The following E2F7 variants were observed in gnomAD, a reference collection of about 807,000 sequenced individuals.
The protein encoded by E2F7 is E2F transcription factor 7.
A neutral mutation model predicts 81.1 loss-of-function variants in E2F7; 35 were observed. The observed-to-expected ratio is 0.43, with a 90% CI of 0.33 to 0.57. The LOEUF (loss-of-function observed/expected upper bound fraction) is 0.57. E2F7 is among the 20% of genes least tolerant of loss of function. The probability of loss-of-function intolerance (pLI) is 0.04; values close to 1 mark genes in which losing one functional copy is unlikely to be tolerated. For synonymous variants in E2F7, 416 were observed against 416.2 expected (o/e 1.00, Z 0.01); for missense variants, 961 against 1,093.7 (o/e 0.88, Z 1.71).
At chr12:77,037,397 C>T (rs1356982837) in intron 7 of E2F7, among the ~76,000 whole-genome samples, 1 of 152,104 alleles carries the variant, frequency 6.6e-6, no homozygotes, top group Non-Finnish European at 1.5e-5. Context: ...TCGAGACCAG[C>T]CTGGGCAACA....
intron 12 of E2F7, among the ~76,000 whole-genome samples, chr12:77,025,085 TAC>T (rs1487569825): frequency 2.0e-5 from 3 of 152,252 alleles, no homozygotes; most frequent in South Asian, 2.1e-4. Flanking sequence ...ACAGACATTA[TAC>T]ACACACACAG....
At chr12:77,031,167 G>A (rs774333590) in intron 9 of E2F7, among the ~76,000 whole-genome samples, 2 of 152,096 alleles carry the variant, frequency 1.3e-5, no homozygotes, top group Non-Finnish European at 2.9e-5. Flanking sequence ...AGGCTGCAGT[G>A]AGCTACGATC....
chr12:77,062,531 C>T (rs191955373), intron 2 of E2F7, among the ~76,000 whole-genome samples: 1 of 152,268 alleles, frequency 6.6e-6, no homozygotes, highest in East Asian at 1.9e-4. Context: ...TTGACATAAT[C>T]CCTGCTCATA....
rs1954978599 is a variant in E2F7, at chr12:77,050,630, G to A, written c.484C>T (p.Pro162Ser). Reference sequence around the variant, plus strand: ...ATGGTAGTTTTCTCAGTTGACAAGGGATAACTTGGATAGCGAGCTAGAAAC... The same window carrying A: ...ATGGTAGTTTTCTCAGTTGACAAGGAATAACTTGGATAGCGAGCTAGAAAC... Reference protein sequence around the residue: ...QKFLARYPSYPLSTEKTTISL... With the variant: ...QKFLARYPSYSLSTEKTTISL... The change falls in exon 4 of 13, where the codon CCC becomes TCC. Residue 162 changes from proline to serine, a missense_variant. Physicochemically the swap from Pro to Ser is moderately conservative, Grantham distance 74. Coordinates refer to ENST00000322886, the MANE Select transcript of E2F7 (RefSeq NM_203394.3). 3 of 1,613,884 alleles carry A rather than the reference G, an allele frequency of 1.9e-6. No homozygotes were observed. Among genetic ancestry groups the A allele is most frequent in the Admixed American group, 1.7e-5 (1 of 59,972 alleles).
chr12:77,039,202 T>C (rs1475318947), intron 7 of E2F7, among the ~76,000 whole-genome samples: 2 of 152,224 alleles, frequency 1.3e-5, no homozygotes, highest in African/African-American at 4.8e-5. Flanking sequence ...AGCACCCCAT[T>C]GATCCATACC....
chr12:77,050,525 G>C (rs1954977780), intron 4 of E2F7, 51 bp downstream of exon 4: 1 of 1,596,606 alleles, frequency 6.3e-7, no homozygotes, highest in African/African-American at 1.3e-5. Flanking sequence ...AAGGAAACCA[G>C]TTTCCCACTG....
Position 77,030,020 on chromosome 12 carries a change from T to G in E2F7, c.1695A>C (p.Pro565=), listed in dbSNP as rs1014363707. 7.4e-6 allele frequency: 12 copies of G among 1,614,080 alleles called. No homozygotes were observed. Among genetic ancestry groups the G allele is most frequent in the African/African-American group, 1.3e-5 (1 of 74,946 alleles). Residue 565 remains proline (P), a synonymous_variant, in exon 10 of 13, where the codon CCA becomes CCC. Coordinates refer to ENST00000322886, the MANE Select transcript of E2F7 (RefSeq NM_203394.3). ...CCCTCTCTGACCCTGACCCTGACGC[T>G]GGTCCCTCCTGCAGACTTCCATACA... ...FMLYGSLQEG[P]ASGSGSERDD... is the part of the protein sequence containing the mutation.
intron 2 of E2F7, among the ~76,000 whole-genome samples, chr12:77,063,394 T>C (rs543761385): frequency 2.0e-5 from 3 of 152,334 alleles, no homozygotes; most frequent in Middle Eastern, 6.8e-3. Flanking sequence ...GAGAAATTCA[T>C]GCTAGTTTTG....
intron 7 of E2F7, among the ~76,000 whole-genome samples, chr12:77,041,851 G>A: frequency 6.6e-6 from 1 of 152,168 alleles, no homozygotes; most frequent in East Asian, 1.9e-4. Flanking sequence ...AAGTGAGTAA[G>A]GCACTGTTCT....
In E2F7 at chr12:77,025,480, A is replaced by T. The variant is rs923450226; in HGVS notation, c.2565+78T>A. ...GACCTAGTGCCTCTGTCCGGCAGTCATGTGGCTAAAATGAAAGCTAAACAC... is the reference window on the plus strand; with the variant it reads ...GACCTAGTGCCTCTGTCCGGCAGTCTTGTGGCTAAAATGAAAGCTAAACAC... On this transcript the variant is annotated intron_variant, in intron 12 of 12. Transcript: ENST00000322886. 23 of 1,520,670 alleles carry T rather than the reference A, an allele frequency of 1.5e-5. No homozygotes were observed. In the African/African-American group the frequency reaches 2.9e-4, roughly 19 times the overall value. The allele number at this position is 1,520,670 out of a possible 1,614,324, so 94.2% of individuals were successfully genotyped here. A position where few individuals can be genotyped will look rare whatever the true frequency, so the allele number is the denominator to read the frequency against.
chr12:77,050,465 G>A, intron 4 of E2F7, 111 bp downstream of exon 4: 1 of 1,139,456 alleles, frequency 8.8e-7, no homozygotes. Context: ...CTGTTCCTCT[G>A]TCTTCACCCG....
Position 77,051,315 on chromosome 12 carries a change from G to A in E2F7, c.370-571C>T, listed in dbSNP as rs191695790. ...TGTCTCCTCAACCCACATTTGAAAG[G>A]GGCTCCATTCAAGCCCCAAGAAAGT... On this transcript the variant is annotated intron_variant, in intron 3 of 12. Transcript: ENST00000322886. Among the ~76,000 whole-genome samples the A allele has an allele frequency of 6.4e-3, 972 of 152,148 alleles. 11 individuals carry two copies. Among genetic ancestry groups the A allele is most frequent in the African/African-American group, 0.021 (886 of 41,510 alleles).
rs769636525 is a variant in E2F7, at chr12:77,025,710, T to C, written c.2413A>G (p.Lys805Glu). The change falls in exon 12 of 13, where the codon AAG becomes GAG. Residue 805 changes from lysine (K) to glutamate (E), a missense_variant. Coordinates refer to ENST00000322886, the MANE Select transcript of E2F7 (RefSeq NM_203394.3). ...LVGPTAVVNP[K>E]SSTLPSADPQ... ...TCTGCAGAAGGGAGTGTGGACGACT[T>C]TGGATTAACCACAGCTGTGGGGCCG... 6.2e-7 allele frequency: 1 copy of C among 1,614,002 alleles called. No individual in the cohort carries two copies. The highest frequency in any genetic ancestry group is 8.5e-7 in the Non-Finnish European group (1 of 1,180,040).
chr12:77,025,836 CAGG>C lies in E2F7; in HGVS notation c.2284_2286del (p.Pro762del), dbSNP rs1360218086. The C allele has an allele frequency of 2.5e-6, 4 of 1,613,920 alleles. No individual in the cohort carries two copies. The highest frequency in any genetic ancestry group is 3.3e-5 in the Admixed American group (2 of 59,980). ...GTAGAAGAAACCGGGCCCGGCATTGCAGGAGAATAGAGAACAGGAAAAGGGCCC... is the reference window on the plus strand; with the variant it reads ...GTAGAAGAAACCGGGCCCGGCATTGCAGAATAGAGAACAGGAAAAGGGCCC... On this transcript the variant is annotated inframe_deletion, in exon 12 of 13. Transcript: ENST00000322886.
chr12:77,023,954 G>C lies in E2F7; in HGVS notation c.*61C>G. 7.0e-6 allele frequency: 11 copies of C among 1,574,736 alleles called. No individual in the cohort carries two copies. The highest frequency in any genetic ancestry group is 9.5e-6 in the Non-Finnish European group (11 of 1,161,450). Reference sequence around the variant, plus strand: ...CTCAGGACGGGATGGTTTGCATCCCGCCTCGGACATCCGGGACTCTCAGGG... The same window carrying C: ...CTCAGGACGGGATGGTTTGCATCCCCCCTCGGACATCCGGGACTCTCAGGG... On this transcript the variant is annotated 3_prime_UTR_variant, in exon 13 of 13. Coordinates refer to ENST00000322886, the MANE Select transcript of E2F7 (RefSeq NM_203394.3).
chr12:77,034,992 C>G (rs1479469810), intron 7 of E2F7, among the ~76,000 whole-genome samples: 1 of 152,208 alleles, frequency 6.6e-6, no homozygotes, highest in Non-Finnish European at 1.5e-5. Context: ...GGGGCCATAT[C>G]TGCCTCCTTC....
Position 77,055,844 on chromosome 12 carries a change from A to T in E2F7, c.369+11T>A. The T allele has an allele frequency of 6.3e-7, 1 of 1,578,184 alleles. No individual in the cohort carries two copies. Among genetic ancestry groups the T allele is most frequent in the Non-Finnish European group, 8.6e-7 (1 of 1,164,626 alleles). On this transcript the variant is annotated intron_variant, in intron 3 of 12. Transcript: ENST00000322886. The stretch of plus-strand genomic sequence containing the variant: ...GTTCTAAAAAATCCCTGAGGAGCAC[A>T]GTCTGTTTACCTGTAGAGAATCTGT...
At chr12:77,034,986 C>T (rs1954836833) in intron 7 of E2F7, among the ~76,000 whole-genome samples, 1 of 152,170 alleles carries the variant, frequency 6.6e-6, no homozygotes, top group East Asian at 1.9e-4. Flanking sequence ...GTAATAGGGG[C>T]CATATCTGCC....
chr12:77,032,699 C>A (rs554339824), intron 9 of E2F7, among the ~76,000 whole-genome samples: 1 of 152,152 alleles, frequency 6.6e-6, no homozygotes, highest in Non-Finnish European at 1.5e-5. Flanking sequence ...GCTCCTGGAA[C>A]GGTACCTGGT....
Sources: gnomAD v4.1 joint callset for allele counts (sites outside exome capture counted in the v4.1 genomes callset) on GRCh38, gnomAD v4.1.1 for gene constraint, MANE v1.5 for transcripts, NCBI Gene and HGNC (gene_info 2026-07-23, HGNC 2026-07-21) for gene names.